NBPF15: variants seen among roughly 807,000 people sequenced by gnomAD.
NBPF15 encodes NBPF member 15, also known as NBPF family member NBPF15.
A neutral mutation model predicts 62.2 loss-of-function variants in NBPF15; 74 were observed. The observed-to-expected ratio is 1.19, with a 90% confidence interval of 0.99 to 1.44. NBPF15 has a LOEUF of 1.44. NBPF15 is among the 40% of genes most tolerant of loss of function. The pLI is 0.00. For synonymous variants in NBPF15, 244 were observed against 209.7 expected, an observed-to-expected ratio of 1.16 and a Z score of -1.41; for missense variants, 790 against 550.0, an observed-to-expected ratio of 1.44 and a Z score of -4.36.
At chr1:144,449,367 T>C (rs1409328560) in intron 5 of NBPF15, among the ~76,000 whole-genome samples, 1 of 151,592 alleles carries the variant, frequency 6.6e-6, no homozygotes, top group African/African-American at 2.4e-5. Flanking sequence ...TTAAAACATA[T>C]GTCCAGAAAA....
At chr1:144,424,353 T>C (rs1284200963) in intron 20 of NBPF15, among the ~76,000 whole-genome samples, 4 of 151,706 alleles carry the variant, frequency 2.6e-5, no homozygotes, top group South Asian at 4.2e-4. Context: ...GTGAGGACTT[T>C]AGACACTGAA....
At chr1:144,428,048 C>T in intron 15 of NBPF15, 58 bp from the exon 16 acceptor site, 1 of 786,118 alleles carries the variant, frequency 1.3e-6, no homozygotes, top group South Asian at 1.4e-5. Context: ...CCACACAGTC[C>T]CAGCTAGATT....
intron 13 of NBPF15, among the ~76,000 whole-genome samples, chr1:144,432,120 G>T (rs1418163388): frequency 6.6e-6 from 1 of 152,062 alleles, no homozygotes; most frequent in Non-Finnish European, 1.5e-5. Context: ...CAGTGTAAAA[G>T]TGTTCCTATT....
At chr1:144,427,025 A>T (rs1553539392) in intron 17 of NBPF15, 22 bp downstream of exon 17, 1 of 760,138 alleles carries the variant, frequency 1.3e-6, no homozygotes, top group South Asian at 1.4e-5. Flanking sequence ...ACAATTAAGC[A>T]TCCATAATTG....
intron 3 of NBPF15, among the ~76,000 whole-genome samples, chr1:144,458,775 C>T (rs1230322804): frequency 2.6e-5 from 4 of 152,126 alleles, no homozygotes; most frequent in Admixed American, 6.5e-5. Flanking sequence ...TGGGGTGGCT[C>T]ATGCCTGTAA....
At chr1:144,459,967 T>C (rs1285009842) in intron 2 of NBPF15, among the ~76,000 whole-genome samples, 2 of 149,660 alleles carry the variant, frequency 1.3e-5, no homozygotes, top group African/African-American at 4.9e-5. Context: ...TACCCCAGTC[T>C]AGTAATGTTC....
At chr1:144,426,790 C>G (rs1447929986) in intron 17 of NBPF15, among the ~76,000 whole-genome samples, 10 of 151,304 alleles carry the variant, frequency 6.6e-5, no homozygotes, top group Non-Finnish European at 1.2e-4. Context: ...CAATAATTTT[C>G]CATAAACTTG....
At position 144,439,746 on chromosome 1, in the gene NBPF15, T is replaced by G. The variant is rs1202433247; in HGVS notation, c.175+83A>C. The G allele has an allele frequency of 1.1e-5, 11 of 998,486 alleles. 1 individual carries two copies. In the African/African-American group the frequency reaches 1.3e-4, roughly 12 times the overall value. 61.9% of individuals were successfully genotyped at this position (998,486 alleles called of 1,614,324 possible). ...AAGTACAGGAAGGATGAAATTATTTTTGATGGAGAGAGCATTTAGTGTCTC... is the reference window on the plus strand; with the variant it reads ...AAGTACAGGAAGGATGAAATTATTTGTGATGGAGAGAGCATTTAGTGTCTC... On this transcript the variant is annotated intron_variant, in intron 8 of 21. Coordinates refer to ENST00000581897, the MANE Select transcript of NBPF15 (RefSeq NM_001385408.1).
intron 3 of NBPF15, among the ~76,000 whole-genome samples, chr1:144,457,481 G>C (rs1289142694): frequency 6.6e-6 from 1 of 152,010 alleles, no homozygotes; most frequent in Non-Finnish European, 1.5e-5. Flanking sequence ...TGACTCTGCT[G>C]TATACAAGCT....
At chr1:144,440,483 C>T (rs1681954938) in intron 6 of NBPF15, 188 bp from the exon 7 acceptor site, 3 of 483,842 alleles carry the variant, frequency 6.2e-6, no homozygotes, top group Non-Finnish European at 1.1e-5. Flanking sequence ...GCCACAGACC[C>T]ATGTCTTTCC....
At chr1:144,453,664 T>C (rs587612531) in intron 4 of NBPF15, among the ~76,000 whole-genome samples, 72 of 74,872 alleles carry the variant, frequency 9.6e-4, no homozygotes, top group African/African-American at 3.1e-3. Flanking sequence ...AAAAAAAAAG[T>C]GAAACATCTG....
At chr1:144,426,633 A>G (rs1187987458) in intron 17 of NBPF15, among the ~76,000 whole-genome samples, 183 bp from the exon 18 acceptor site, 1 of 150,270 alleles carries the variant, frequency 6.7e-6, no homozygotes, top group Non-Finnish European at 1.5e-5. Flanking sequence ...AGAATGAAAG[A>G]GAAAGACAGG....
At chr1:144,437,408 C>T (rs1321904128) in intron 9 of NBPF15, among the ~76,000 whole-genome samples, 15 of 146,464 alleles carry the variant, frequency 1.0e-4, no homozygotes, top group Non-Finnish European at 2.0e-4. Context: ...CAGTTCCTCA[C>T]TCTGGCCATG....
At position 144,439,922 on chromosome 1, in the gene NBPF15, A is replaced by C; in HGVS notation, c.82T>G (p.Leu28Val). 1 of 1,610,618 alleles carries C rather than the reference A, an allele frequency of 6.2e-7. No individual in the cohort carries two copies. Among genetic ancestry groups the C allele is most frequent in the Non-Finnish European group, 8.5e-7 (1 of 1,178,874 alleles). Residue 28 changes from leucine to valine, a missense_variant, in exon 8 of 22, where the codon TTG becomes GTG. By Grantham distance (32) the Leu-to-Val change is conservative. Coordinates refer to ENST00000581897, the MANE Select transcript of NBPF15 (RefSeq NM_001385408.1). Reference protein sequence around the residue: ...LEINEKLRPQLAEKKQQFRNL... With the variant: ...LEINEKLRPQVAEKKQQFRNL... ...CTGAACTGCTGTTTCTTCTCTGCCA[A>C]CTGGGGGCGCAATTTCTCATTGATT...
Position 144,423,098 on chromosome 1 carries a change from G to C in NBPF15, c.1928C>G (p.Ala643Gly). 6.2e-7 allele frequency: 1 copy of C among 1,611,644 alleles called. No homozygotes were observed. The highest frequency in any genetic ancestry group is 1.1e-5 in the South Asian group (1 of 90,972). Residue 643 changes from alanine (A) to glycine (G), a missense_variant, in exon 22 of 22, where the codon GCC becomes GGC. Coordinates refer to ENST00000581897, the MANE Select transcript of NBPF15 (RefSeq NM_001385408.1). The part of the protein sequence containing the change: ...YSFEEEHISF[A>G]LYVDNRFFTL... ...AAAAAACCTATTGTCCACGTAAAGGGCGAAGCTGATATGCTCTTCCTCAAA... is the reference window on the plus strand; with the variant it reads ...AAAAAACCTATTGTCCACGTAAAGGCCGAAGCTGATATGCTCTTCCTCAAA...
chr1:144,455,337 T>A (rs1244051650), intron 4 of NBPF15, among the ~76,000 whole-genome samples: 1 of 151,816 alleles, frequency 6.6e-6, no homozygotes, highest in Non-Finnish European at 1.5e-5. Context: ...GATGAGAACA[T>A]CCAGGGGAAC....
Position 144,426,919 on chromosome 1 carries a change from C to G in NBPF15, c.1265+128G>C. The G allele has an allele frequency of 6.8e-6, 4 of 584,172 alleles. No individual in the cohort carries two copies. In the South Asian group the frequency reaches 7.9e-5, roughly 12 times the overall value. The allele number at this position is 584,172 out of a possible 1,614,324, so 36.2% of individuals were successfully genotyped here. ...AAACATCTACTGCAATGAAAACCAA[C>G]AGCAATGTCAGGAGGAGTAATTCAA... On this transcript the variant is annotated intron_variant, in intron 17 of 21. Coordinates refer to ENST00000581897, the MANE Select transcript of NBPF15 (RefSeq NM_001385408.1).
intron 12 of NBPF15, among the ~76,000 whole-genome samples, chr1:144,434,683 G>A (rs1315996024): frequency 2.0e-5 from 3 of 151,548 alleles, no homozygotes; most frequent in Admixed American, 6.6e-5. Context: ...ACTTAAAGGA[G>A]ATCCAGATGA....
chr1:144,432,352 A>T (rs1381238336), intron 13 of NBPF15, among the ~76,000 whole-genome samples: 3 of 151,966 alleles, frequency 2.0e-5, no homozygotes, highest in African/African-American at 7.3e-5. Context: ...CACTACAAAA[A>T]CATGCCAAAC....
Sources: gnomAD v4.1 joint callset for allele counts (sites outside exome capture counted in the v4.1 genomes callset) on GRCh38, gnomAD v4.1.1 for gene constraint, MANE v1.5 for transcripts, NCBI Gene and HGNC (gene_info 2026-07-23, HGNC 2026-07-21) for gene names.